NDUFV3: variants seen among roughly 807,000 people sequenced by gnomAD.
NDUFV3 encodes NADH dehydrogenase [ubiquinone] flavoprotein 3, mitochondrial.
NDUFV3 carries 44 observed loss-of-function variants against 37.5 expected under a neutral mutation model. The observed-to-expected ratio is 1.17, with a 90% CI of 0.92 to 1.51. The LOEUF (loss-of-function observed/expected upper bound fraction) is 1.51, where lower values mean the gene tolerates loss of function less well. NDUFV3 is among the 40% of genes most tolerant of loss of function. The pLI is 0.00. For missense variants in NDUFV3, 580 were observed against 580.4 expected (o/e 1.00, Z 0.01); for synonymous variants, 235 against 239.3 (o/e 0.98, Z 0.17).
intron 1 of NDUFV3, among the ~76,000 whole-genome samples, chr21:42,895,672 G>T (rs1301363454): frequency 1.3e-5 from 2 of 149,548 alleles, no homozygotes; most frequent in African/African-American, 2.4e-5. Context: ...AAAAAGAAAA[G>T]AAAAAAGAAG....
chr21:42,909,500 ATATATTTTGGAATATCTAC>A lies in NDUFV3; in HGVS notation c.*483_*501del, dbSNP rs2058759830. 1.9e-5 allele frequency: 4 copies of A among 205,222 alleles called. No homozygotes were observed. The highest frequency in any genetic ancestry group is 1.1e-4 in the Admixed American group (2 of 18,948). 12.7% of individuals were successfully genotyped at this position (205,222 alleles called of 1,614,324 possible). A position where few individuals can be genotyped will look rare whatever the true frequency, so the allele number is the denominator to read the frequency against. On this transcript the variant is annotated 3_prime_UTR_variant, in exon 4 of 4. Coordinates refer to ENST00000354250, the MANE Select transcript of NDUFV3 (RefSeq NM_021075.4). ...GCAACAGTAACACTGATTATCCAAC[ATATATTTTGGAATATCTAC>A]TATGTGCAAGGAATTTTTCTTAAAC...
In NDUFV3 at chr21:42,903,417, G is replaced by C. The variant is rs1277001999; in HGVS notation, c.405G>C (p.Gln135His). ...AAGTTCTGTCTCCATTCAGAAAACA[G>C]GGCTCTGATTCAGAAGCTCGTCAGG... is the stretch of plus-strand genomic sequence containing the variant. ...PQKVLSPFRK[Q>H]GSDSEARQVG... The change falls in exon 3 of 4, where the codon CAG (glutamine) becomes CAC (histidine). Residue 135 changes from glutamine (Q) to histidine (H), a missense_variant. Coordinates refer to ENST00000354250, the MANE Select transcript of NDUFV3 (RefSeq NM_021075.4). The C allele has an allele frequency of 9.9e-6, 16 of 1,614,088 alleles. No individual in the cohort carries two copies. Among genetic ancestry groups the C allele is most frequent in the Non-Finnish European group, 1.4e-5 (16 of 1,180,050 alleles).
intron 3 of NDUFV3, among the ~76,000 whole-genome samples, chr21:42,908,077 C>T (rs954144093): frequency 6.6e-6 from 1 of 151,870 alleles, no homozygotes; most frequent in African/African-American, 2.4e-5. Context: ...GAGGTCGAGG[C>T]GGGCAGATCA....
rs1364530376 is a variant in NDUFV3 at position 42,910,125 on chromosome 21, GA to G, written c.*1105del. The G allele has an allele frequency of 6.6e-6, 1 of 151,742 alleles. No individual in the cohort carries two copies. Among genetic ancestry groups the G allele is most frequent in the Non-Finnish European group, 1.5e-5 (1 of 67,996 alleles). 9.4% of individuals were successfully genotyped at this position (151,742 alleles called of 1,614,324 possible). A position where few individuals can be genotyped will look rare whatever the true frequency, so the allele number is the denominator to read the frequency against. On this transcript the variant is annotated 3_prime_UTR_variant, in exon 4 of 4. Transcript: ENST00000354250. ...TGGAGCACCTGAGGTCAGGAGTTGA[GA>G]CCGGCCTGGCCAACATAGTGAAACC...
In NDUFV3 at chr21:42,901,814, G is replaced by A. The variant is rs74464487; in HGVS notation, c.170-1368G>A. On this transcript the variant is annotated intron_variant, in intron 2 of 3. Transcript: ENST00000354250. The stretch of plus-strand genomic sequence containing the variant: ...ATGCAGTGTCCACACAGGTGTCAGC[G>A]GAGAAGCCTGGATTTGAACCCAGGC... Among the ~76,000 whole-genome samples the A allele has an allele frequency of 8.5e-3, 1,297 of 152,258 alleles. 12 individuals are homozygous for A. The highest frequency in any genetic ancestry group is 0.03 in the African/African-American group (1,235 of 41,540).
chr21:42,900,543 A>C (rs2058713997), intron 2 of NDUFV3, among the ~76,000 whole-genome samples: 1 of 152,162 alleles, frequency 6.6e-6, no homozygotes, highest in South Asian at 2.1e-4. Flanking sequence ...AGAAAAATAA[A>C]TAATGCTTGT....
intron 2 of NDUFV3, among the ~76,000 whole-genome samples, chr21:42,897,880 G>A (rs11700396): frequency 1.3e-5 from 2 of 151,634 alleles, no homozygotes; most frequent in East Asian, 3.9e-4. Flanking sequence ...GTTTCACCAT[G>A]TTAGCCGGGA....
At chr21:42,905,986 C>T (rs1407775989) in intron 3 of NDUFV3, among the ~76,000 whole-genome samples, 6 of 151,880 alleles carry the variant, frequency 4.0e-5, no homozygotes, top group African/African-American at 9.7e-5. Context: ...GCCTCAGCCT[C>T]CTGAGTAGGT....
In NDUFV3 at chr21:42,893,317, C is replaced by G. The variant is rs1240955523; in HGVS notation, c.-17C>G. ...GCAGCTGCTGTGGCCCTGCTTGGTGCGCCCGCTGTCACCGCCATGGCTGCC... is the reference window on the plus strand; with the variant it reads ...GCAGCTGCTGTGGCCCTGCTTGGTGGGCCCGCTGTCACCGCCATGGCTGCC... On this transcript the variant is annotated 5_prime_UTR_variant, in exon 1 of 4. Coordinates refer to ENST00000354250, the MANE Select transcript of NDUFV3 (RefSeq NM_021075.4). 6.5e-7 allele frequency: 1 copy of G among 1,537,402 alleles called. No individual in the cohort carries two copies. The highest frequency in any genetic ancestry group is 8.7e-7 in the Non-Finnish European group (1 of 1,146,286).
Position 42,903,838 on chromosome 21 carries a change from G to A in NDUFV3, c.826G>A (p.Glu276Lys), listed in dbSNP as rs202060146. 44 of 1,613,508 alleles carry A rather than the reference G, an allele frequency of 2.7e-5. No homozygotes were observed. The African/African-American group carries it at 4.5e-4, about 17-fold the overall frequency. ...ATTGCAGAAAACATTTAGATTAAAT[G>A]AAATAGATAAAGAAAGCCAAAAGCC... is the stretch of plus-strand genomic sequence containing the variant. Reference protein sequence around the residue: ...KQLQKTFRLNEIDKESQKPFE... With the variant: ...KQLQKTFRLNKIDKESQKPFE... Residue 276 changes from glutamate to lysine, a missense_variant, in exon 3 of 4, where the codon GAA becomes AAA. By Grantham distance (56) the Glu-to-Lys change is moderately conservative. Coordinates refer to ENST00000354250, the MANE Select transcript of NDUFV3 (RefSeq NM_021075.4).
Position 42,909,196 on chromosome 21 carries a change from C to T in NDUFV3, c.*175C>T, listed in dbSNP as rs922738362. On this transcript the variant is annotated 3_prime_UTR_variant, in exon 4 of 4. Transcript: ENST00000354250. The stretch of plus-strand genomic sequence containing the variant: ...TCACTCTGTCACCCAGGCTGGAGTG[C>T]AGTGGCACATTCTCGGCTCACTGCA... 19 of 641,552 alleles carry T rather than the reference C, an allele frequency of 3.0e-5. No homozygotes were observed. The African/African-American group carries it at 3.3e-4, about 11-fold the overall frequency. 39.7% of individuals were successfully genotyped at this position (641,552 alleles called of 1,614,324 possible). A position where few individuals can be genotyped will look rare whatever the true frequency, so the allele number is the denominator to read the frequency against.
At chr21:42,900,228 A>G (rs2058712927) in intron 2 of NDUFV3, among the ~76,000 whole-genome samples, 1 of 152,062 alleles carries the variant, frequency 6.6e-6, no homozygotes, top group African/African-American at 2.4e-5. Flanking sequence ...GAGTCTGGGT[A>G]TGGTGGCTCA....
At chr21:42,899,694 T>C (rs2058710829) in intron 2 of NDUFV3, among the ~76,000 whole-genome samples, 1 of 152,106 alleles carries the variant, frequency 6.6e-6, no homozygotes. Flanking sequence ...CCGTCCGCCT[T>C]GGCCTCCCAA....
At chr21:42,904,407 G>A (rs1454747053) in intron 3 of NDUFV3, 131 bp downstream of exon 3, 8 of 1,229,080 alleles carry the variant, frequency 6.5e-6, no homozygotes, top group East Asian at 2.5e-5. Flanking sequence ...GGCCTGTAAC[G>A]CTGTCTCAGC....
chr21:42,896,846 T>A lies in NDUFV3; in HGVS notation c.49-81T>A, dbSNP rs529183110. On this transcript the variant is annotated intron_variant, in intron 1 of 3. Coordinates refer to ENST00000354250, the MANE Select transcript of NDUFV3 (RefSeq NM_021075.4). ...TGAGAGAGACCCCTGACTCAAAAAA[T>A]ATATATATATATTCATATATAGTAC... 104 of 1,101,084 alleles carry A rather than the reference T, an allele frequency of 9.4e-5. 1 individual carries two copies. The highest frequency in any genetic ancestry group is 4.9e-4 in the South Asian group (31 of 62,696). The allele number at this position is 1,101,084 out of a possible 1,614,324, so 68.2% of individuals were successfully genotyped here. A position where few individuals can be genotyped will look rare whatever the true frequency, so the allele number is the denominator to read the frequency against.
In NDUFV3 at chr21:42,903,176, T is replaced by G; in HGVS notation, c.170-6T>G. The G allele has an allele frequency of 6.2e-7, 1 of 1,614,172 alleles. No homozygotes were observed. Among genetic ancestry groups the G allele is most frequent in the Non-Finnish European group, 8.5e-7 (1 of 1,180,044 alleles). ...AAATAACATTCCTCTTTATGCCGTT[T>G]CCCAGATGTAGTGGAACCAAAGGAG... On this transcript the variant is annotated splice_polypyrimidine_tract_variant and splice_region_variant and intron_variant, in intron 2 of 3. Transcript: ENST00000354250.
intron 3 of NDUFV3, among the ~76,000 whole-genome samples, chr21:42,904,554 G>C (rs555512136): frequency 5.3e-4 from 78 of 146,792 alleles, no homozygotes; most frequent in South Asian, 4.9e-3. Flanking sequence ...GCAGTGGCGC[G>C]ATCTCTGCTC....
rs753584543 is a variant in NDUFV3, at chr21:42,903,762, C to T, written c.750C>T (p.Pro250=). The change falls in exon 3 of 4, where the codon CCC becomes CCT. Residue 250 remains proline (P), a synonymous_variant. Transcript: ENST00000354250. ...ATGCGAGACCAAAAACCACAATGCC[C>T]AGATCTCAAGTAGATGAAGAGTTTT... ...RENARPKTTM[P]RSQVDEEFLK... The T allele has an allele frequency of 2.5e-6, 4 of 1,614,108 alleles. No homozygotes were observed. In the Admixed American group the frequency reaches 6.7e-5, roughly 27 times the overall value.
intron 2 of NDUFV3, among the ~76,000 whole-genome samples, chr21:42,902,520 G>T (rs2058721581): frequency 6.6e-6 from 1 of 152,206 alleles, no homozygotes; most frequent in Non-Finnish European, 1.5e-5. Flanking sequence ...AAGCAGAAAA[G>T]AGATTCAGGA....
Sources: gnomAD v4.1 joint callset for allele counts (sites outside exome capture counted in the v4.1 genomes callset) on GRCh38, gnomAD v4.1.1 for gene constraint, MANE v1.5 for transcripts, NCBI Gene and HGNC (gene_info 2026-07-23, HGNC 2026-07-21) for gene names.